Variants in CHLSN observed in about 807,000 individuals in gnomAD.
CHLSN encodes protein cholesin.
At chr7:1,041,406 GGGAA>G in the CHLSN span, among the ~76,000 whole-genome samples, 1 of 151,746 alleles carries the variant, frequency 6.6e-6, no homozygotes. Context: ...CCGCGCTGCG[GGGAA>G]CGGGACCTGG....
chr7:1,058,768 C>T, the CHLSN span: 136,908 of 520,152 alleles, frequency 0.26, 19,050 homozygotes, highest in African/African-American at 0.29. Context: ...GGTCCACATC[C>T]GCAAAAGCCT....
At chr7:991,718 C>T in the CHLSN span, among the ~76,000 whole-genome samples, 1 of 152,204 alleles carries the variant, frequency 6.6e-6, no homozygotes, top group Admixed American at 6.5e-5. Flanking sequence ...ATAAAATACA[C>T]GTAGAGAAAA....
the CHLSN span, among the ~76,000 whole-genome samples, chr7:1,104,371 C>G: frequency 2.6e-5 from 4 of 152,246 alleles, no homozygotes; most frequent in Non-Finnish European, 5.9e-5. Context: ...TGAATAGTGA[C>G]TGCACTCCAG....
the CHLSN span, among the ~76,000 whole-genome samples, chr7:1,100,925 C>A: frequency 1.3e-5 from 2 of 152,228 alleles, no homozygotes; most frequent in African/African-American, 4.8e-5. Context: ...CAGACGCAGG[C>A]ACAGAGCCCC....
At chr7:1,130,793 C>T in the CHLSN span, among the ~76,000 whole-genome samples, 8 of 152,326 alleles carry the variant, frequency 5.3e-5, no homozygotes, top group South Asian at 2.1e-4. Context: ...GCGGCATGCA[C>T]GCTGCTTCAC....
chr7:995,808 G>C, the CHLSN span, among the ~76,000 whole-genome samples: 2 of 152,248 alleles, frequency 1.3e-5, no homozygotes, highest in South Asian at 2.1e-4. Context: ...GGCCCGCCCT[G>C]GGCCAGTGGG....
the CHLSN span, among the ~76,000 whole-genome samples, chr7:1,105,354 G>A: frequency 6.6e-6 from 1 of 152,240 alleles, no homozygotes; most frequent in Non-Finnish European, 1.5e-5. Context: ...GCCGGCTGTG[G>A]AACAGGCTTC....
At chr7:1,090,970 A>ACT in the CHLSN span, among the ~76,000 whole-genome samples, 39,428 of 151,570 alleles carry the variant, frequency 0.26, 5,660 homozygotes, top group African/African-American at 0.37. Flanking sequence ...TTCTGGACCC[A>ACT]CTCTCTCTCT....
the CHLSN span, among the ~76,000 whole-genome samples, chr7:1,114,461 C>T: frequency 4.6e-5 from 7 of 152,346 alleles, no homozygotes; most frequent in Non-Finnish European, 7.3e-5. Flanking sequence ...TGTTTAGACT[C>T]GGAGAATGAA....
chr7:1,030,453 C>A, the CHLSN span, among the ~76,000 whole-genome samples: 1 of 152,188 alleles, frequency 6.6e-6, no homozygotes, highest in South Asian at 2.1e-4. Flanking sequence ...CCACTAGCCC[C>A]ACAGGGATGG....
At chr7:1,057,459 C>T in the CHLSN span, 188 of 691,940 alleles carry the variant, frequency 2.7e-4, 1 homozygote, top group African/African-American at 2.0e-3. Context: ...TGGGACGGGA[C>T]GCGAGCTGAC....
At chr7:1,115,471 C>T in the CHLSN span, among the ~76,000 whole-genome samples, 5 of 152,094 alleles carry the variant, frequency 3.3e-5, no homozygotes, top group East Asian at 1.9e-4. Flanking sequence ...TCATCACCAA[C>T]GCCCACGCAG....
the CHLSN span, among the ~76,000 whole-genome samples, chr7:1,055,677 C>T: frequency 1.3e-5 from 2 of 152,168 alleles, no homozygotes. Context: ...ACTGAGGGGT[C>T]CCGGCCCTTG....
the CHLSN span, among the ~76,000 whole-genome samples, chr7:1,008,838 C>A: frequency 7.8e-6 from 1 of 127,566 alleles, no homozygotes; most frequent in Non-Finnish European, 1.7e-5. Context: ...AACGTGTATA[C>A]ACACGCACAC....
At chr7:1,058,567 T>C in the CHLSN span, 8 of 728,924 alleles carry the variant, frequency 1.1e-5, no homozygotes, top group South Asian at 1.2e-4. Context: ...GCAGAGCACT[T>C]AGTTACCCTG....
At chr7:1,105,849 G>A in the CHLSN span, among the ~76,000 whole-genome samples, 1 of 152,182 alleles carries the variant, frequency 6.6e-6, no homozygotes, top group African/African-American at 2.4e-5. Flanking sequence ...TTTAAAAAGA[G>A]GAGGAAAAGG....
chr7:1,008,819 C>T, the CHLSN span, among the ~76,000 whole-genome samples: 1 of 111,312 alleles, frequency 9.0e-6, no homozygotes, highest in Admixed American at 8.7e-5. Context: ...TACACACGCA[C>T]ATATACACAA....
the CHLSN span, among the ~76,000 whole-genome samples, chr7:1,027,425 G>A: frequency 6.6e-6 from 1 of 152,248 alleles, no homozygotes; most frequent in African/African-American, 2.4e-5. Flanking sequence ...GACGCTCCGA[G>A]GACACAGCGC....
At chr7:993,431 G>A in the CHLSN span, among the ~76,000 whole-genome samples, 22 of 152,314 alleles carry the variant, frequency 1.4e-4, no homozygotes, top group East Asian at 4.1e-3. Flanking sequence ...AGGGAGAGGA[G>A]TGGGGAGCGG....
Sources: allele counts gnomAD v4.1 joint callset (sites outside exome capture counted in the v4.1 genomes callset), GRCh38; gene constraint gnomAD v4.1.1; transcripts MANE v1.5; gene names NCBI Gene and HGNC (gene_info 2026-07-23, HGNC 2026-07-21).